The following POLK variants were observed in gnomAD, a reference collection of about 807,000 sequenced individuals.
POLK encodes DNA polymerase kappa, also known as polymerase (DNA directed) kappa.
A neutral mutation model predicts 94.0 loss-of-function variants in POLK; 76 were observed. The ratio of observed to expected loss-of-function variants is 0.81; its 90% CI spans 0.67 to 0.98. POLK has a LOEUF of 0.98. Ranked by LOEUF, POLK falls within the 50% of genes least tolerant of loss-of-function variation. The pLI is 0.00. For missense variants in POLK, 954 were observed against 1,010.1 expected (o/e 0.94, Z 0.75); for synonymous variants, 349 against 325.4 (o/e 1.07, Z -0.78).
chr5:75,511,656 T>A, upstream of POLK: 1 of 1,479,322 alleles, frequency 6.8e-7, no homozygotes, highest in African/African-American at 1.4e-5. Context: ...TCCTTTCCCC[T>A]CCCCTTCGTC....
chr5:75,511,102 G>A (rs763355963), upstream of POLK: 4 of 1,546,652 alleles, frequency 2.6e-6, no homozygotes, highest in Admixed American at 2.0e-5. Context: ...TGGCACCAGG[G>A]GTTGCTCACC....
chr5:75,574,892 TAAG>T (rs953293341), intron 5 of POLK, among the ~76,000 whole-genome samples: 1 of 152,256 alleles, frequency 6.6e-6, no homozygotes, highest in African/African-American at 2.4e-5. Flanking sequence ...TATAGCCTTT[TAAG>T]AAGTTTTAAA....
intron 1 of POLK, among the ~76,000 whole-genome samples, chr5:75,534,291 G>C (rs988957234): frequency 6.6e-6 from 1 of 151,634 alleles, no homozygotes; most frequent in Non-Finnish European, 1.5e-5. Flanking sequence ...AAGCTTTTGG[G>C]CTGAGACCAT....
intron 4 of POLK, among the ~76,000 whole-genome samples, chr5:75,573,381 G>A (rs1357775079): frequency 6.6e-6 from 1 of 152,140 alleles, no homozygotes; most frequent in Admixed American, 6.6e-5. Context: ...GGGGAAGGGG[G>A]AGGGATAGCA....
chr5:75,536,675 G>A (rs188483919), intron 1 of POLK, among the ~76,000 whole-genome samples: 27 of 152,116 alleles, frequency 1.8e-4, no homozygotes, highest in Middle Eastern at 3.4e-3. Context: ...CAGCTGAGTT[G>A]CCATAGAAGC....
At chr5:75,556,063 T>C (rs1480382669) in intron 3 of POLK, among the ~76,000 whole-genome samples, 1 of 152,228 alleles carries the variant, frequency 6.6e-6, no homozygotes, top group Non-Finnish European at 1.5e-5. Context: ...AATAAAAATA[T>C]GTTTAGCTTT....
At position 75,584,757 on chromosome 5, in the gene POLK, T is replaced by G. The variant is rs754809579; in HGVS notation, c.1060-3T>G. The stretch of plus-strand genomic sequence containing the variant: ...TTAATAATAAATATTGATTCTTTTC[T>G]AGGTTTCTGGAATAGGAAAAGTTAC... On this transcript the variant is annotated splice_region_variant and splice_polypyrimidine_tract_variant and intron_variant, in intron 8 of 14. Transcript: ENST00000241436. 3 of 1,469,404 alleles carry G rather than the reference T, an allele frequency of 2.0e-6. No individual in the cohort carries two copies. In the East Asian group the frequency reaches 7.0e-5, roughly 34 times the overall value. 91.0% of individuals were successfully genotyped at this position (1,469,404 alleles called of 1,614,324 possible).
chr5:75,539,547 A>G (rs1419645044), intron 1 of POLK, among the ~76,000 whole-genome samples: 4 of 152,098 alleles, frequency 2.6e-5, no homozygotes, highest in African/African-American at 9.7e-5. Context: ...CCAGACTGGA[A>G]TGCAGTGGCA....
At chr5:75,523,966 C>G (rs997356537) in intron 1 of POLK, among the ~76,000 whole-genome samples, 5 of 151,832 alleles carry the variant, frequency 3.3e-5, no homozygotes, top group African/African-American at 4.8e-5. Flanking sequence ...CTCGTCTCTA[C>G]TAAAAATGCA....
chr5:75,598,006 AT>A lies in POLK; in HGVS notation c.2607del (p.Phe869LeufsTer5). 5.5e-6 allele frequency: 7 copies of A among 1,268,282 alleles called. No homozygotes were observed. The highest frequency in any genetic ancestry group is 2.3e-5 in the Admixed American group (1 of 43,492). 78.6% of individuals were successfully genotyped at this position (1,268,282 alleles called of 1,614,324 possible). ...ACAATCCCAAACATACCCTTGATAT[AT>A]TTTTTAAGTAAACATTGAACATTTT... On this transcript the variant is annotated frameshift_variant, in exon 15 of 15. Coordinates refer to ENST00000241436, the Ensembl canonical transcript of POLK. LOFTEE classifies it high-confidence loss of function.
chr5:75,551,036 A>G (rs1286806360), intron 2 of POLK, among the ~76,000 whole-genome samples: 1 of 152,166 alleles, frequency 6.6e-6, no homozygotes, highest in Middle Eastern at 3.2e-3. Flanking sequence ...AGCCTGGGCA[A>G]CATAGTGAGA....
chr5:75,565,453 A>G (rs1771218599), intron 3 of POLK, among the ~76,000 whole-genome samples: 1 of 152,092 alleles, frequency 6.6e-6, no homozygotes, highest in Non-Finnish European at 1.5e-5. Flanking sequence ...CTTTGGAGGA[A>G]CAGAGGTGTT....
At chr5:75,604,816 A>G (rs1773381481), downstream of POLK, among the ~76,000 whole-genome samples, 1 of 152,196 alleles carries the variant, frequency 6.6e-6, no homozygotes, top group Non-Finnish European at 1.5e-5. Context: ...CTGTTCTTTA[A>G]TTGTATAATT....
downstream of POLK, among the ~76,000 whole-genome samples, chr5:75,603,209 T>G: frequency 6.6e-6 from 1 of 152,228 alleles, no homozygotes; most frequent in East Asian, 1.9e-4. Flanking sequence ...CACTGCTACC[T>G]CTGCCAACCC....
At chr5:75,537,377 T>C (rs1196021386) in intron 1 of POLK, among the ~76,000 whole-genome samples, 1 of 152,214 alleles carries the variant, frequency 6.6e-6, no homozygotes, top group Non-Finnish European at 1.5e-5. Flanking sequence ...ACTCACCGTT[T>C]GCGGTGTTGG....
intron 1 of POLK, among the ~76,000 whole-genome samples, chr5:75,524,963 A>G (rs1013217348): frequency 2.0e-5 from 3 of 152,228 alleles, no homozygotes; most frequent in African/African-American, 7.2e-5. Context: ...ATTGAGAGCA[A>G]TCTGAACTGA....
At chr5:75,571,672 T>C (rs1771607180) in intron 4 of POLK, among the ~76,000 whole-genome samples, 1 of 152,208 alleles carries the variant, frequency 6.6e-6, no homozygotes, top group African/African-American at 2.4e-5. Flanking sequence ...CAATGGTTGC[T>C]GGATTACAAA....
intron 5 of POLK, among the ~76,000 whole-genome samples, chr5:75,576,141 A>T (rs1284728177): frequency 1.3e-5 from 2 of 152,150 alleles, no homozygotes; most frequent in Non-Finnish European, 2.9e-5. Context: ...GTTACTCCAG[A>T]CTTTTCCCCA....
chr5:75,546,730 A>G (rs1770041243), intron 1 of POLK, among the ~76,000 whole-genome samples: 1 of 150,310 alleles, frequency 6.7e-6, no homozygotes. Context: ...CGGTAGCGCA[A>G]TCTCGGCTCA....
Sources: allele counts gnomAD v4.1 joint callset (sites outside exome capture counted in the v4.1 genomes callset), GRCh38; gene constraint gnomAD v4.1.1; transcripts MANE v1.5; gene names NCBI Gene and HGNC (gene_info 2026-07-23, HGNC 2026-07-21).